Variants in CHST11 observed in about 807,000 individuals in gnomAD.
The protein encoded by CHST11 is carbohydrate sulfotransferase 11, also known as C4S-1.
Under a neutral mutation model 30.4 loss-of-function variants are expected in CHST11, and 9 were observed. The observed-to-expected ratio is 0.30, with a 90% CI of 0.18 to 0.52. The LOEUF (loss-of-function observed/expected upper bound fraction) is 0.52. Among genes scored for constraint, CHST11 ranks in the 20% least tolerant of loss-of-function variants. The pLI is 0.97. For synonymous variants in CHST11, 152 were observed against 187.8 expected, an observed-to-expected ratio of 0.81 and a Z score of 1.56; for missense variants, 348 against 460.6, an observed-to-expected ratio of 0.76 and a Z score of 2.24.
At chr12:104,585,002 A>C (rs531629798) in intron 1 of CHST11, among the ~76,000 whole-genome samples, 15 of 152,336 alleles carry the variant, frequency 9.8e-5, no homozygotes, top group African/African-American at 3.4e-4. Flanking sequence ...GTGCCAGAAA[A>C]ATGTCAGAAG....
chr12:104,564,594 T>C (rs1207056567), intron 1 of CHST11, among the ~76,000 whole-genome samples: 2 of 152,260 alleles, frequency 1.3e-5, no homozygotes, highest in Non-Finnish European at 2.9e-5. Context: ...TGCAAGGCTC[T>C]TGGAGCCTAG....
At chr12:104,589,165 C>T (rs1042019096) in intron 1 of CHST11, among the ~76,000 whole-genome samples, 4 of 151,590 alleles carry the variant, frequency 2.6e-5, no homozygotes, top group African/African-American at 9.7e-5. Context: ...TTTGGGAGGC[C>T]GAGGTGGGTG....
chr12:104,720,632 C>A (rs1477448823), intron 2 of CHST11, among the ~76,000 whole-genome samples: 1 of 151,934 alleles, frequency 6.6e-6, no homozygotes, highest in Non-Finnish European at 1.5e-5. Context: ...GGTCGGCAGC[C>A]AAGACAAAAA....
At chr12:104,636,001 T>C (rs2039319838) in intron 2 of CHST11, among the ~76,000 whole-genome samples, 1 of 152,242 alleles carries the variant, frequency 6.6e-6, no homozygotes, top group South Asian at 2.1e-4. Flanking sequence ...TTAATACTAT[T>C]ATAATTAACA....
At chr12:104,741,747 T>C (rs1172874036) in intron 2 of CHST11, among the ~76,000 whole-genome samples, 1 of 152,130 alleles carries the variant, frequency 6.6e-6, no homozygotes, top group African/African-American at 2.4e-5. Flanking sequence ...CAGAACCCGC[T>C]CATGTAAAAG....
intron 2 of CHST11, among the ~76,000 whole-genome samples, chr12:104,645,590 C>A (rs2039420028): frequency 6.6e-6 from 1 of 152,120 alleles, no homozygotes; most frequent in African/African-American, 2.4e-5. Flanking sequence ...CTCTGGGGGG[C>A]CCTTCCCACC....
chr12:104,560,654 G>A (rs1281014669), intron 1 of CHST11, among the ~76,000 whole-genome samples: 2 of 152,212 alleles, frequency 1.3e-5, no homozygotes, highest in African/African-American at 4.8e-5. Context: ...CACTTATGGA[G>A]TGGTCTTGGA....
At chr12:104,532,068 T>C (rs2135995396) in intron 1 of CHST11, among the ~76,000 whole-genome samples, 1 of 152,308 alleles carries the variant, frequency 6.6e-6, no homozygotes, top group Non-Finnish European at 1.5e-5. Context: ...CCCCACATCA[T>C]GTGTTGGTCT....
intron 1 of CHST11, among the ~76,000 whole-genome samples, chr12:104,480,856 A>G (rs1262549165): frequency 6.6e-6 from 1 of 152,216 alleles, no homozygotes; most frequent in Non-Finnish European, 1.5e-5. Context: ...GGTCTCCAGA[A>G]CCATGAAGGA....
chr12:104,499,101 C>T (rs1189535180), intron 1 of CHST11, among the ~76,000 whole-genome samples: 1 of 152,162 alleles, frequency 6.6e-6, no homozygotes, highest in Non-Finnish European at 1.5e-5. Flanking sequence ...GCAGCAGGGA[C>T]CATGATTCTT....
chr12:104,674,910 C>T (rs148048090), intron 2 of CHST11, among the ~76,000 whole-genome samples: 20 of 152,290 alleles, frequency 1.3e-4, no homozygotes, highest in African/African-American at 4.8e-4. Context: ...GGGTTAATAA[C>T]ATTTAACGCA....
At chr12:104,731,370 C>T (rs1210533490) in intron 2 of CHST11, among the ~76,000 whole-genome samples, 1 of 152,232 alleles carries the variant, frequency 6.6e-6, no homozygotes, top group Non-Finnish European at 1.5e-5. Flanking sequence ...TGTCATCCTC[C>T]TCCAGCCTGT....
Position 104,522,605 on chromosome 12 carries a change from G to C in CHST11, c.118+65076G>C, listed in dbSNP as rs578218840. Among the ~76,000 whole-genome samples the C allele has an allele frequency of 1.1e-4, 16 of 152,254 alleles. No homozygotes were observed. In the South Asian group the frequency reaches 3.3e-3, roughly 32 times the overall value. On this transcript the variant is annotated intron_variant, in intron 1 of 2. Transcript: ENST00000303694. The stretch of plus-strand genomic sequence containing the variant: ...CCGAATCTCTGGAGATGGGCCCTAT[G>C]TTCCATCATTTTATTTTATTTTTCT...
At chr12:104,631,910 T>C (rs2039274058) in intron 2 of CHST11, among the ~76,000 whole-genome samples, 1 of 152,152 alleles carries the variant, frequency 6.6e-6, no homozygotes, top group African/African-American at 2.4e-5. Flanking sequence ...CCTTATTCAG[T>C]CCCTTGCATG....
Position 104,493,701 on chromosome 12 carries a change from G to A in CHST11, c.118+36172G>A, listed in dbSNP as rs376708257. On this transcript the variant is annotated intron_variant, in intron 1 of 2. Coordinates refer to ENST00000303694, the MANE Select transcript of CHST11 (RefSeq NM_018413.6). ...CAAAGTGACTCACCCTGGTAGGCAC[G>A]GAAAGACAAGAGAGACTTGGATGTA... Among the ~76,000 whole-genome samples the A allele has an allele frequency of 3.9e-5, 6 of 152,186 alleles. No individual in the cohort carries two copies. The East Asian group carries it at 7.7e-4, about 20-fold the overall frequency.
chr12:104,541,049 C>T (rs2038281049), intron 1 of CHST11, among the ~76,000 whole-genome samples: 1 of 152,148 alleles, frequency 6.6e-6, no homozygotes, highest in South Asian at 2.1e-4. Flanking sequence ...AGGTATCCAA[C>T]ACACTAGCTT....
At chr12:104,731,922 G>A (rs1400759068) in intron 2 of CHST11, among the ~76,000 whole-genome samples, 1 of 152,262 alleles carries the variant, frequency 6.6e-6, no homozygotes, top group Non-Finnish European at 1.5e-5. Flanking sequence ...TGAGACAGAT[G>A]AGCCTGCCCC....
rs2037362666 is a variant in CHST11 at position 104,457,404 on chromosome 12, A to G, written c.-8A>G. On this transcript the variant is annotated 5_prime_UTR_variant, in exon 1 of 3. Transcript: ENST00000303694. ...GGACACCCCGGTCCCCGCAGCCAGG[A>G]CAAAGCCATGAAGCCAGCGCTGCTG... 3 of 1,609,544 alleles carry G rather than the reference A, an allele frequency of 1.9e-6. No individual in the cohort carries two copies. The highest frequency in any genetic ancestry group is 1.3e-5 in the African/African-American group (1 of 74,836).
Position 104,688,824 on chromosome 12 carries a change from C to G in CHST11, c.205-68125C>G, listed in dbSNP as rs60963585. 7.7e-3 allele frequency among the ~76,000 whole-genome samples: 1,165 copies of G among 152,186 alleles called. 16 individuals are homozygous for G. The highest frequency in any genetic ancestry group is 0.027 in the African/African-American group (1,120 of 41,502). On this transcript the variant is annotated intron_variant, in intron 2 of 2. Transcript: ENST00000303694. The stretch of plus-strand genomic sequence containing the variant: ...AAAGTTTATGGACATGGGAAGATGT[C>G]AGTTACAAGCCATTGCTACTGGGCA...
Sources: allele counts gnomAD v4.1 joint callset (sites outside exome capture counted in the v4.1 genomes callset), GRCh38; gene constraint gnomAD v4.1.1; transcripts MANE v1.5; gene names NCBI Gene and HGNC (gene_info 2026-07-23, HGNC 2026-07-21).